Variants in NTM observed in about 807,000 individuals in gnomAD.
The protein encoded by NTM is neurotrimin.
A neutral mutation model predicts 42.1 loss-of-function variants in NTM; 13 were observed. The ratio of observed to expected loss-of-function variants is 0.31; its 90% CI spans 0.20 to 0.49. The LOEUF (loss-of-function observed/expected upper bound fraction) is 0.49. Among genes scored for constraint, NTM ranks in the 20% least tolerant of loss-of-function variants. The pLI is 0.99. For missense variants in NTM, 373 were observed against 452.8 expected, an observed-to-expected ratio of 0.82 and a Z score of 1.60; for synonymous variants, 187 against 179.2, an observed-to-expected ratio of 1.04 and a Z score of -0.35.
intron 1 of NTM, among the ~76,000 whole-genome samples, chr11:131,571,729 T>C (rs375224274): frequency 1.3e-5 from 2 of 152,344 alleles, no homozygotes; most frequent in South Asian, 2.1e-4. Context: ...ATGTCGGATT[T>C]CCTTCTCTGA....
chr11:131,564,443 G>GA (rs199568945), intron 1 of NTM, among the ~76,000 whole-genome samples: 1,734 of 146,348 alleles, frequency 0.012, 36 homozygotes, highest in African/African-American at 0.045. Context: ...GGGTGGGTAG[G>GA]GGGAGAGAGA....
At chr11:131,411,540 CGTGTGTGTGTGTGTGT>C (rs5795724) in intron 1 of NTM, among the ~76,000 whole-genome samples, 83 of 129,764 alleles carry the variant, frequency 6.4e-4, no homozygotes, top group East Asian at 9.9e-4. Flanking sequence ...TAGGGGGGGC[CGTGTGTGTGTGTGTGT>C]GTGTGTGTGT....
chr11:132,253,348 G>C (rs2092165525), intron 4 of NTM, among the ~76,000 whole-genome samples: 1 of 152,166 alleles, frequency 6.6e-6, no homozygotes, highest in Non-Finnish European at 1.5e-5. Flanking sequence ...ATTAAATAAT[G>C]TGCCCAAGGT....
At chr11:131,571,525 A>T (rs985228092) in intron 1 of NTM, among the ~76,000 whole-genome samples, 1 of 152,224 alleles carries the variant, frequency 6.6e-6, no homozygotes, top group Non-Finnish European at 1.5e-5. Context: ...CAATTCTGGG[A>T]GGAAAGCTCC....
intron 1 of NTM, among the ~76,000 whole-genome samples, chr11:131,878,640 T>TATATATAA (rs1488317297): frequency 4.1e-5 from 5 of 121,364 alleles, no homozygotes; most frequent in African/African-American, 1.7e-4. Flanking sequence ...TATATATATA[T>TATATATAA]AATGTCTTAT....
chr11:131,865,576 G>T (rs1057012098), intron 1 of NTM, among the ~76,000 whole-genome samples: 4 of 152,100 alleles, frequency 2.6e-5, no homozygotes, highest in Admixed American at 6.5e-5. Context: ...TTGCATGCAC[G>T]TGCTTAGCCT....
At chr11:131,689,426 T>A (rs999836426) in intron 1 of NTM, among the ~76,000 whole-genome samples, 3 of 152,212 alleles carry the variant, frequency 2.0e-5, no homozygotes, top group African/African-American at 7.2e-5. Flanking sequence ...TCTCTTCTGA[T>A]CCCAGCACAG....
chr11:131,634,521 C>T (rs966506875), intron 1 of NTM, among the ~76,000 whole-genome samples: 3 of 151,910 alleles, frequency 2.0e-5, no homozygotes, highest in African/African-American at 7.3e-5. Context: ...CAAAATATGT[C>T]GATGTTGAAC....
At chr11:131,465,339 C>A (rs917804118) in intron 1 of NTM, among the ~76,000 whole-genome samples, 1 of 152,212 alleles carries the variant, frequency 6.6e-6, no homozygotes, top group Non-Finnish European at 1.5e-5. Context: ...TGCTTCTCTG[C>A]AGCCCAGACT....
chr11:131,916,426 G>A (rs556041794), intron 2 of NTM, among the ~76,000 whole-genome samples: 35 of 152,274 alleles, frequency 2.3e-4, no homozygotes, highest in South Asian at 1.5e-3. Flanking sequence ...ATTCCATCGC[G>A]CCTCTAGACC....
intron 2 of NTM, among the ~76,000 whole-genome samples, chr11:132,019,400 A>G (rs980823760): frequency 6.6e-6 from 1 of 152,134 alleles, no homozygotes; most frequent in East Asian, 1.9e-4. Context: ...GTTTCTTGAC[A>G]GTGGGGTATT....
At chr11:131,842,386 G>A (rs1469578638) in intron 1 of NTM, among the ~76,000 whole-genome samples, 5 of 152,132 alleles carry the variant, frequency 3.3e-5, no homozygotes, top group Non-Finnish European at 4.4e-5. Flanking sequence ...GTTCCACAGA[G>A]TTTATCTGTT....
intron 1 of NTM, among the ~76,000 whole-genome samples, chr11:131,772,301 C>G (rs1164009002): frequency 6.6e-6 from 1 of 152,120 alleles, no homozygotes; most frequent in East Asian, 1.9e-4. Context: ...CTGTATACAC[C>G]CTGTATAATC....
intron 2 of NTM, among the ~76,000 whole-genome samples, chr11:131,931,009 A>T (rs997224424): frequency 2.6e-5 from 4 of 152,172 alleles, no homozygotes; most frequent in African/African-American, 9.7e-5. Context: ...AAAAGCAGAA[A>T]GGCTTTGACA....
intron 1 of NTM, among the ~76,000 whole-genome samples, chr11:131,789,667 A>AAG (rs1004938972): frequency 8.2e-6 from 1 of 121,624 alleles, no homozygotes; most frequent in Non-Finnish European, 1.8e-5. Context: ...GAAGAAGAAG[A>AAG]AAGCATGGGC....
At chr11:131,827,876 A>T (rs150918604) in intron 1 of NTM, among the ~76,000 whole-genome samples, 1 of 152,290 alleles carries the variant, frequency 6.6e-6, no homozygotes, top group African/African-American at 2.4e-5. Context: ...CTCTACCATC[A>T]TCAGGTACTA....
rs112162838 is a variant in NTM at position 131,386,861 on chromosome 11, C to T, written c.82+15973C>T. Among the ~76,000 whole-genome samples, 183 of 152,242 alleles carry T rather than the reference C, an allele frequency of 1.2e-3. 2 individuals carry two copies. Among genetic ancestry groups the T allele is most frequent in the Middle Eastern group, 6.8e-3 (2 of 294 alleles). On this transcript the variant is annotated intron_variant, in intron 1 of 8. Transcript: ENST00000683400. ...CTACCCCAGTCTTCTTTCTTTATCC[C>T]TTTTTTTGATTCTGCTCCTACCATT...
intron 2 of NTM, among the ~76,000 whole-genome samples, chr11:131,920,086 C>A (rs552907194): frequency 6.6e-6 from 1 of 152,222 alleles, no homozygotes. Flanking sequence ...AGATGCATTT[C>A]CCATCAGAAA....
At chr11:132,202,073 T>C (rs984914065) in intron 3 of NTM, among the ~76,000 whole-genome samples, 1 of 152,232 alleles carries the variant, frequency 6.6e-6, no homozygotes, top group Non-Finnish European at 1.5e-5. Flanking sequence ...AATTGATTCC[T>C]TTCTCATTGT....
Sources: allele counts gnomAD v4.1 joint callset (sites outside exome capture counted in the v4.1 genomes callset), GRCh38; gene constraint gnomAD v4.1.1; transcripts MANE v1.5; gene names NCBI Gene and HGNC (gene_info 2026-07-23, HGNC 2026-07-21).